The following TSPAN18 variants were observed in gnomAD, a reference collection of about 807,000 sequenced individuals.
TSPAN18 encodes tetraspanin 18.
Under a neutral mutation model 27.3 loss-of-function variants are expected in TSPAN18, and 14 were observed. The observed-to-expected ratio is 0.51, with a 90% CI of 0.34 to 0.80. TSPAN18 has a LOEUF of 0.80. TSPAN18 is among the 30% of genes least tolerant of loss of function. The probability of loss-of-function intolerance (pLI) is 0.01; values close to 1 mark genes in which losing one functional copy is unlikely to be tolerated. For missense variants in TSPAN18, 268 were observed against 323.9 expected, an observed-to-expected ratio of 0.83 and a Z score of 1.32; for synonymous variants, 143 against 136.5, an observed-to-expected ratio of 1.05 and a Z score of -0.33.
intron 2 of TSPAN18, among the ~76,000 whole-genome samples, chr11:44,775,226 C>T (rs1057064863): frequency 1.3e-4 from 20 of 152,188 alleles, no homozygotes; most frequent in Non-Finnish European, 2.8e-4. Context: ...AATATTTGTT[C>T]CATGTACTAT....
At chr11:44,813,468 G>T (rs1227020458) in intron 2 of TSPAN18, among the ~76,000 whole-genome samples, 2 of 152,220 alleles carry the variant, frequency 1.3e-5, no homozygotes, top group Non-Finnish European at 2.9e-5. Flanking sequence ...GCACACGGTG[G>T]TTATGAGCAC....
intron 3 of TSPAN18, among the ~76,000 whole-genome samples, chr11:44,879,678 A>G (rs1858436443): frequency 6.6e-6 from 1 of 152,176 alleles, no homozygotes; most frequent in Admixed American, 6.5e-5. Flanking sequence ...AGGTAAGCCC[A>G]ACAAGGCAGG....
chr11:44,808,744 G>A (rs17778931), intron 2 of TSPAN18, among the ~76,000 whole-genome samples: 19,563 of 152,202 alleles, frequency 0.13, 1,658 homozygotes, highest in South Asian at 0.29. Flanking sequence ...ACTTCCCAAC[G>A]AATCTGGGTT....
intron 1 of TSPAN18, among the ~76,000 whole-genome samples, chr11:44,739,726 T>C (rs888420367): frequency 2.6e-5 from 4 of 152,186 alleles, no homozygotes; most frequent in African/African-American, 9.7e-5. Flanking sequence ...CAAAAGCATA[T>C]TCAATGGAAG....
intron 2 of TSPAN18, among the ~76,000 whole-genome samples, chr11:44,857,751 G>A (rs1847010369): frequency 6.6e-6 from 1 of 152,246 alleles, no homozygotes; most frequent in South Asian, 2.1e-4. Context: ...CTCCCCAACT[G>A]GCACTTCTGG....
intron 2 of TSPAN18, among the ~76,000 whole-genome samples, chr11:44,841,765 G>A (rs942027500): frequency 3.5e-4 from 54 of 152,298 alleles, no homozygotes; most frequent in African/African-American, 1.3e-3. Context: ...GTAGAGAGAA[G>A]AGCAATATGG....
At chr11:44,845,490 G>A (rs944429314) in intron 2 of TSPAN18, among the ~76,000 whole-genome samples, 8 of 152,204 alleles carry the variant, frequency 5.3e-5, no homozygotes, top group Non-Finnish European at 7.3e-5. Context: ...CTGCCCTCAC[G>A]GAGCTTGTAG....
At chr11:44,783,766 C>T (rs765531772) in intron 2 of TSPAN18, among the ~76,000 whole-genome samples, 55 of 152,166 alleles carry the variant, frequency 3.6e-4, no homozygotes, top group Non-Finnish European at 6.2e-4. Context: ...CTACAAATCC[C>T]GCCCCTCTGC....
chr11:44,868,761 GA>G (rs1349651027), intron 3 of TSPAN18, among the ~76,000 whole-genome samples: 1 of 152,228 alleles, frequency 6.6e-6, no homozygotes, highest in African/African-American at 2.4e-5. Flanking sequence ...CGGAGAGGGG[GA>G]AGGTGGAGCG....
intron 2 of TSPAN18, among the ~76,000 whole-genome samples, chr11:44,796,935 G>A (rs1366262504): frequency 6.6e-6 from 1 of 152,246 alleles, no homozygotes; most frequent in East Asian, 1.9e-4. Context: ...ATGGCTGGTG[G>A]GTTTCCTATG....
At chr11:44,736,975 C>T (rs1854811001) in intron 1 of TSPAN18, among the ~76,000 whole-genome samples, 1 of 152,114 alleles carries the variant, frequency 6.6e-6, no homozygotes, top group Non-Finnish European at 1.5e-5. Flanking sequence ...AGAGTGAGGG[C>T]GGAGATGTTT....
chr11:44,767,186 C>T (rs1458722525), intron 2 of TSPAN18, among the ~76,000 whole-genome samples: 1 of 152,200 alleles, frequency 6.6e-6, no homozygotes, highest in African/African-American at 2.4e-5. Flanking sequence ...GATGTGCTAT[C>T]ACTTGGAGCT....
chr11:44,765,506 G>A (rs1590435284), intron 2 of TSPAN18, among the ~76,000 whole-genome samples: 1 of 152,146 alleles, frequency 6.6e-6, no homozygotes, highest in African/African-American at 2.4e-5. Flanking sequence ...CATGCGCCAG[G>A]CACAGTGTGA....
intron 2 of TSPAN18, among the ~76,000 whole-genome samples, chr11:44,829,440 T>C (rs185087288): frequency 1.2e-4 from 18 of 152,352 alleles, no homozygotes; most frequent in Middle Eastern, 6.8e-3. Flanking sequence ...TTATACAGTA[T>C]GTAGCCTTTT....
At chr11:44,929,016 G>C (rs1167728050) in intron 9 of TSPAN18, 115 bp from the exon 10 acceptor site, 3 of 1,322,980 alleles carry the variant, frequency 2.3e-6, no homozygotes, top group Non-Finnish European at 3.2e-6. Flanking sequence ...AATCCTTAGG[G>C]GAGGAGTGTG....
chr11:44,819,415 T>G, intron 2 of TSPAN18, among the ~76,000 whole-genome samples: 1 of 152,148 alleles, frequency 6.6e-6, no homozygotes, highest in East Asian at 1.9e-4. Flanking sequence ...GTGTGTATGT[T>G]GGGAAGGGAG....
chr11:44,866,649 C>G (rs545799431), intron 3 of TSPAN18, among the ~76,000 whole-genome samples: 1 of 152,338 alleles, frequency 6.6e-6, no homozygotes. Flanking sequence ...GGGAACAGGG[C>G]ACCTGAGCTT....
intron 1 of TSPAN18, among the ~76,000 whole-genome samples, chr11:44,754,387 C>T (rs368901762): frequency 5.1e-4 from 78 of 152,310 alleles, no homozygotes; most frequent in African/African-American, 1.7e-3. Flanking sequence ...GCAGACTATC[C>T]TTGGGCATGC....
intron 2 of TSPAN18, among the ~76,000 whole-genome samples, chr11:44,818,976 G>C (rs1856870755): frequency 6.6e-6 from 1 of 152,124 alleles, no homozygotes. Flanking sequence ...GGTTGGGCCA[G>C]ACAGAACCCT....
Sources: allele counts gnomAD v4.1 joint callset (sites outside exome capture counted in the v4.1 genomes callset), GRCh38; gene constraint gnomAD v4.1.1; transcripts MANE v1.5; gene names NCBI Gene and HGNC (gene_info 2026-07-23, HGNC 2026-07-21).